The following AFDN variants were observed in gnomAD, a reference collection of about 807,000 sequenced individuals.
The protein encoded by AFDN is afadin, adherens junction formation factor.
Under a neutral mutation model 216.6 loss-of-function variants are expected in AFDN, and 68 were observed. The observed-to-expected ratio is 0.31, with a 90% CI of 0.26 to 0.38. The LOEUF is 0.38. Among genes scored for constraint, AFDN ranks in the 10% least tolerant of loss-of-function variants. The pLI, the probability that AFDN is intolerant of heterozygous loss-of-function variation, is 1.00. For synonymous variants in AFDN, 868 were observed against 853.7 expected (o/e 1.02, Z -0.29); for missense variants, 2,136 against 2,342.0 (o/e 0.91, Z 1.82).
chr6:167,883,122 AGAGG>A (rs1364230523), intron 6 of AFDN, among the ~76,000 whole-genome samples: 1 of 152,136 alleles, frequency 6.6e-6, no homozygotes, highest in African/African-American at 2.4e-5. Context: ...AGAAAGAGAG[AGAGG>A]GAGAATTCAA....
chr6:167,897,106 C>A (rs1788358224), intron 10 of AFDN, 134 bp downstream of exon 10: 1 of 455,682 alleles, frequency 2.2e-6, no homozygotes, highest in Non-Finnish European at 3.9e-6. Flanking sequence ...AATTTATCTA[C>A]TCTGGGTCAC....
chr6:167,965,976 G>T lies in AFDN; in HGVS notation c.5188G>T (p.Asp1730Tyr), dbSNP rs372723744. Reference protein sequence around the residue: ...SYLKTQVLSPDSLFTAKFVAY... With the variant: ...SYLKTQVLSPYSLFTAKFVAY... ...CCTCAAAACACAGGTCCTCTCCCCC[G>T]ACTCGCTGTTCACTGCCAAGTTTGT... is the stretch of plus-strand genomic sequence containing the variant. The change falls in exon 32 of 34, where the codon GAC becomes TAC. Residue 1730 changes from aspartate (D) to tyrosine (Y), a missense_variant. Asp to Tyr is a radical substitution (Grantham distance 160). Around this residue, in one of 8 missense-constraint regions of AFDN, gnomAD observed 981 missense variants for 966.0 expected, o/e 1.02. Coordinates refer to ENST00000683244, the MANE Select transcript of AFDN (RefSeq NM_001386888.1). 9 of 1,498,698 alleles carry T rather than the reference G, an allele frequency of 6.0e-6. No homozygotes were observed. In the African/African-American group the frequency reaches 1.0e-4, roughly 17 times the overall value. The allele number at this position is 1,498,698 out of a possible 1,614,324, so 92.8% of individuals were successfully genotyped here.
Position 167,971,777 on chromosome 6 carries a change from G to C in AFDN, c.*1842G>C, listed in dbSNP as rs897535520. ...GGATTTGGCCATCTTTGGGCAGTGA[G>C]GTCAAATGTGAATATGTGTAAAAGT... On this transcript the variant is annotated 3_prime_UTR_variant, in exon 34 of 34. Coordinates refer to ENST00000683244, the MANE Select transcript of AFDN (RefSeq NM_001386888.1). The C allele has an allele frequency of 1.4e-5, 3 of 207,498 alleles. No individual in the cohort carries two copies. Among genetic ancestry groups the C allele is most frequent in the African/African-American group, 6.8e-5 (3 of 43,820 alleles). 12.9% of individuals were successfully genotyped at this position (207,498 alleles called of 1,614,324 possible). A position where few individuals can be genotyped will look rare whatever the true frequency, so the allele number is the denominator to read the frequency against.
At chr6:167,880,114 A>G (rs941984315) in intron 5 of AFDN, among the ~76,000 whole-genome samples, 2 of 152,202 alleles carry the variant, frequency 1.3e-5, no homozygotes, top group African/African-American at 4.8e-5. Flanking sequence ...TAGCTTGAAG[A>G]GAGAAGATGA....
At chr6:167,848,340 A>T (rs1416115414) in intron 1 of AFDN, among the ~76,000 whole-genome samples, 2 of 152,224 alleles carry the variant, frequency 1.3e-5, no homozygotes, top group Non-Finnish European at 2.9e-5. Context: ...AGTTTAAGGA[A>T]TTAAGAGTTA....
Position 167,893,972 on chromosome 6 carries a change from G to A in AFDN, c.1222+66G>A, listed in dbSNP as rs1255017441. Reference sequence around the variant, plus strand: ...AATAGAACCTCATGGGCAGAATAGTGTTGAATGACCAAATATCTTATGTAT... The same window carrying A: ...AATAGAACCTCATGGGCAGAATAGTATTGAATGACCAAATATCTTATGTAT... On this transcript the variant is annotated intron_variant, in intron 9 of 33. Coordinates refer to ENST00000683244, the MANE Select transcript of AFDN (RefSeq NM_001386888.1). 6.7e-6 allele frequency: 8 copies of A among 1,189,564 alleles called. No homozygotes were observed. The East Asian group carries it at 2.0e-4, about 30-fold the overall frequency. 73.7% of individuals were successfully genotyped at this position (1,189,564 alleles called of 1,614,324 possible). A position where few individuals can be genotyped will look rare whatever the true frequency, so the allele number is the denominator to read the frequency against.
intron 1 of AFDN, among the ~76,000 whole-genome samples, chr6:167,828,224 A>G (rs920491604): frequency 5.3e-5 from 8 of 152,258 alleles, no homozygotes; most frequent in African/African-American, 1.7e-4. Flanking sequence ...ATTTATAGTT[A>G]ATACTTGCTA....
At chr6:167,910,992 A>G (rs1327846431) in intron 13 of AFDN, 109 bp from the exon 14 acceptor site, 1 of 860,076 alleles carries the variant, frequency 1.2e-6, no homozygotes, top group African/African-American at 1.7e-5. Flanking sequence ...TTACGTTGGA[A>G]AGATTAGTAT....
At chr6:167,833,033 C>G (rs1779998692) in intron 1 of AFDN, among the ~76,000 whole-genome samples, 1 of 152,216 alleles carries the variant, frequency 6.6e-6, no homozygotes, top group Admixed American at 6.5e-5. Context: ...GTTGGACTTG[C>G]TGGCACTGTT....
At chr6:167,943,899 T>C (rs535164189) in intron 25 of AFDN, 42 bp from the exon 26 acceptor site, 2 of 1,534,342 alleles carry the variant, frequency 1.3e-6, no homozygotes, top group East Asian at 2.2e-5. Context: ...GAGCAGGCAC[T>C]GCGTTTTAGT....
chr6:167,861,155 C>A, intron 1 of AFDN, among the ~76,000 whole-genome samples: 1 of 152,098 alleles, frequency 6.6e-6, no homozygotes, highest in Non-Finnish European at 1.5e-5. Context: ...TGATTTTATC[C>A]ATTTGACTAG....
At chr6:167,844,872 G>GTTTTTTTTTTTTTT (rs1289118837) in intron 1 of AFDN, among the ~76,000 whole-genome samples, 1 of 137,402 alleles carries the variant, frequency 7.3e-6, no homozygotes, top group Non-Finnish European at 1.6e-5. Flanking sequence ...TTTTTTTTTG[G>GTTTTTTTTTTTTTT]TTTTTGAGAC....
chr6:167,848,558 A>G (rs893380130), intron 1 of AFDN, among the ~76,000 whole-genome samples: 1 of 152,166 alleles, frequency 6.6e-6, no homozygotes, highest in Non-Finnish European at 1.5e-5. Context: ...AGTCTTGTCC[A>G]TGTTTTCTTC....
At position 167,971,573 on chromosome 6, in the gene AFDN, AAATATCTTGAGG is replaced by A; in HGVS notation, c.*1640_*1651del. On this transcript the variant is annotated 3_prime_UTR_variant, in exon 34 of 34. Transcript: ENST00000683244. ...GTTCTAGGAAAAGCAGGCACCTCCC[AAATATCTTGAGG>A]ACACTGGCAGCCTTATGGTGACTAA... 5.1e-6 allele frequency: 1 copy of A among 194,608 alleles called. No homozygotes were observed. The highest frequency in any genetic ancestry group is 1.1e-5 in the Non-Finnish European group (1 of 93,680). 12.1% of individuals were successfully genotyped at this position (194,608 alleles called of 1,614,324 possible).
chr6:167,951,052 C>G lies in AFDN; in HGVS notation c.3832-134C>G. On this transcript the variant is annotated intron_variant, in intron 29 of 33. Coordinates refer to ENST00000683244, the MANE Select transcript of AFDN (RefSeq NM_001386888.1). This position sits in a 1 kb window ranked among gnomAD's most constrained non-coding sequence, Gnocchi z 7.1. Reference sequence around the variant, plus strand: ...TGTTACTCCACATTAGCCAATGAGCCTTGTAGGGCAGTCTCAGTCTCTTTC... The same window carrying G: ...TGTTACTCCACATTAGCCAATGAGCGTTGTAGGGCAGTCTCAGTCTCTTTC... The G allele has an allele frequency of 7.5e-7, 1 of 1,324,922 alleles. No individual in the cohort carries two copies. The highest frequency in any genetic ancestry group is 9.9e-7 in the Non-Finnish European group (1 of 1,007,722). The allele number at this position is 1,324,922 out of a possible 1,614,324, so 82.1% of individuals were successfully genotyped here.
intron 11 of AFDN, among the ~76,000 whole-genome samples, chr6:167,899,676 C>G (rs1478750754): frequency 1.3e-5 from 2 of 152,124 alleles, no homozygotes; most frequent in Non-Finnish European, 2.9e-5. Context: ...TATCCTGACT[C>G]CCTGTTTATT....
intron 1 of AFDN, chr6:167,863,842 T>A: frequency 1.9e-6 from 1 of 517,278 alleles, no homozygotes; most frequent in Non-Finnish European, 3.9e-6. Context: ...TCATTGATTA[T>A]GGGCAAGTAG....
chr6:167,966,338 A>C (rs1797562403), intron 32 of AFDN: 1 of 1,320,906 alleles, frequency 7.6e-7, no homozygotes, highest in South Asian at 1.4e-5. Flanking sequence ...ATCTCTCTGC[A>C]CACTTGCCCT....
intron 30 of AFDN, among the ~76,000 whole-genome samples, chr6:167,961,356 C>T (rs1797017533): frequency 6.6e-6 from 1 of 152,178 alleles, no homozygotes; most frequent in Non-Finnish European, 1.5e-5. Flanking sequence ...ACACAGTTTT[C>T]AAAGTTACCA....
Sources: gnomAD v4.1 joint callset for allele counts (sites outside exome capture counted in the v4.1 genomes callset) on GRCh38, gnomAD v4.1.1 for gene constraint, gnomAD v4.1.1 regional missense constraint, Gnocchi (gnomAD v3.1) non-coding constraint, MANE v1.5 for transcripts, NCBI Gene and HGNC (gene_info 2026-07-23, HGNC 2026-07-21) for gene names.